The following PCDHA8 variants were observed in gnomAD, a reference collection of about 807,000 sequenced individuals.
PCDHA8 encodes protocadherin alpha-8.
In PCDHA8, 53 loss-of-function variants were observed where a neutral mutation model predicts 61.8. The observed-to-expected ratio is 0.86, with a 90% confidence interval of 0.69 to 1.08. PCDHA8 has a LOEUF of 1.08. Among genes scored for constraint, PCDHA8 ranks in the 50% least tolerant of loss-of-function variants. The probability of loss-of-function intolerance (pLI) is 0.00; values close to 1 mark genes in which losing one functional copy is unlikely to be tolerated. For synonymous variants in PCDHA8, 618 were observed against 556.6 expected (o/e 1.11, Z -1.55); for missense variants, 1,293 against 1,245.0 (o/e 1.04, Z -0.58).
chr5:140,986,358 A>C (rs1440671712), intron 3 of PCDHA8, among the ~76,000 whole-genome samples: 1 of 152,116 alleles, frequency 6.6e-6, no homozygotes, highest in African/African-American at 2.4e-5. Context: ...CTTCAGATGG[A>C]GGAATGCGTT....
At chr5:140,970,139 A>G (rs1433151291) in intron 1 of PCDHA8, among the ~76,000 whole-genome samples, 3 of 152,124 alleles carry the variant, frequency 2.0e-5, no homozygotes, top group Non-Finnish European at 4.4e-5. Flanking sequence ...AGAAGGGAAA[A>G]AGAATTCTCC....
chr5:141,009,174 G>A (rs1281128951), intron 3 of PCDHA8, among the ~76,000 whole-genome samples: 1 of 152,228 alleles, frequency 6.6e-6, no homozygotes, highest in African/African-American at 2.4e-5. Flanking sequence ...ACTGGCCTTG[G>A]CTGGGTGTGG....
intron 1 of PCDHA8, among the ~76,000 whole-genome samples, chr5:140,934,465 A>G (rs1313806464): frequency 1.3e-5 from 2 of 152,152 alleles, no homozygotes; most frequent in African/African-American, 4.8e-5. Context: ...ATGTTTTAAC[A>G]TTATTTTGAA....
At chr5:140,890,707 T>A (rs1217575075) in intron 1 of PCDHA8, among the ~76,000 whole-genome samples, 1 of 152,206 alleles carries the variant, frequency 6.6e-6, no homozygotes, top group African/African-American at 2.4e-5. Context: ...CTTACATTTT[T>A]AAAATCTTTT....
rs552604909 is a variant in PCDHA8, at chr5:141,005,474, C to T, written c.2543-4153C>T. ...ATCCCAGCACTTTGGGAGGCCGAGACGGGCGGATCATGAGGTCAGGAGATC... is the reference window on the plus strand; with the variant it reads ...ATCCCAGCACTTTGGGAGGCCGAGATGGGCGGATCATGAGGTCAGGAGATC... On this transcript the variant is annotated intron_variant, in intron 3 of 3. Coordinates refer to ENST00000531613, the MANE Select transcript of PCDHA8 (RefSeq NM_018911.3). 1.6e-3 allele frequency among the ~76,000 whole-genome samples: 236 copies of T among 151,848 alleles called. 1 individual carries two copies. The highest frequency in any genetic ancestry group is 4.9e-3 in the African/African-American group (204 of 41,424).
intron 3 of PCDHA8, among the ~76,000 whole-genome samples, chr5:140,995,853 A>G (rs934469128): frequency 4.6e-5 from 7 of 152,220 alleles, no homozygotes. Context: ...TTTCTATCGT[A>G]TCACTTAATA....
intron 1 of PCDHA8, chr5:140,856,070 C>G (rs533914587): frequency 1.3e-6 from 2 of 1,591,758 alleles, no homozygotes; most frequent in South Asian, 2.2e-5. Context: ...ATGTAGCTGC[C>G]TGGGGGTCCA....
intron 1 of PCDHA8, among the ~76,000 whole-genome samples, chr5:140,920,261 A>T (rs535022961): frequency 3.3e-4 from 50 of 152,226 alleles, no homozygotes; most frequent in Non-Finnish European, 2.8e-4. Context: ...TATAATAATT[A>T]TTACTTTATG....
intron 1 of PCDHA8, among the ~76,000 whole-genome samples, chr5:140,939,871 T>G (rs2092481346): frequency 6.6e-6 from 1 of 152,230 alleles, no homozygotes; most frequent in Non-Finnish European, 1.5e-5. Context: ...TAGGTCATCT[T>G]TGCTAGTTGT....
intron 1 of PCDHA8, chr5:140,877,449 G>A: frequency 1.2e-6 from 2 of 1,613,848 alleles, no homozygotes; most frequent in Non-Finnish European, 1.7e-6. Flanking sequence ...AGCCCGCGCT[G>A]ACGTCCACGG....
At chr5:141,008,684 G>C (rs1426948038) in intron 3 of PCDHA8, among the ~76,000 whole-genome samples, 1 of 152,118 alleles carries the variant, frequency 6.6e-6, no homozygotes, top group Admixed American at 6.5e-5. Context: ...TTTAGTTATT[G>C]CATGTATTAA....
At chr5:140,932,066 G>C (rs1196454003) in intron 1 of PCDHA8, among the ~76,000 whole-genome samples, 1 of 151,752 alleles carries the variant, frequency 6.6e-6, no homozygotes, top group Non-Finnish European at 1.5e-5. Flanking sequence ...AAAATTATCA[G>C]TTTAAGAAAT....
At chr5:140,988,877 G>A (rs372950279) in intron 3 of PCDHA8, 8 of 152,310 alleles carry the variant, frequency 5.3e-5, no homozygotes, top group East Asian at 3.9e-4. Context: ...TCAGATGTAC[G>A]ATCCTGGATA....
intron 3 of PCDHA8, among the ~76,000 whole-genome samples, chr5:141,008,842 T>C (rs1554261951): frequency 6.6e-6 from 1 of 152,214 alleles, no homozygotes; most frequent in East Asian, 1.9e-4. Context: ...TCTTACGCTG[T>C]GTATTCCCAT....
At chr5:140,987,011 C>G (rs1266225593) in intron 3 of PCDHA8, among the ~76,000 whole-genome samples, 1 of 151,990 alleles carries the variant, frequency 6.6e-6, no homozygotes, top group African/African-American at 2.4e-5. Context: ...GTCATGAGTT[C>G]GAGACCAGCC....
At chr5:140,959,541 C>T (rs2095493793) in intron 1 of PCDHA8, among the ~76,000 whole-genome samples, 1 of 152,002 alleles carries the variant, frequency 6.6e-6, no homozygotes, top group Non-Finnish European at 1.5e-5. Flanking sequence ...TTCAGAGATG[C>T]TGTATAAATA....
Position 140,968,771 on chromosome 5 carries a change from T to C in PCDHA8, c.2395-10178T>C, listed in dbSNP as rs144153196. The C allele has an allele frequency of 3.1e-6, 5 of 1,614,024 alleles. No homozygotes were observed. Among genetic ancestry groups the C allele is most frequent in the Non-Finnish European group, 4.2e-6 (5 of 1,180,044 alleles). On this transcript the variant is annotated intron_variant, in intron 1 of 3. Transcript: ENST00000531613. The stretch of plus-strand genomic sequence containing the variant: ...GGTGGTCCGAGATAATGGAGAGCCA[T>C]CACTATCAGCCTCTGTGGCCATTAC...
chr5:140,945,801 C>T (rs1371269109), intron 1 of PCDHA8, among the ~76,000 whole-genome samples: 2 of 152,026 alleles, frequency 1.3e-5, no homozygotes, highest in East Asian at 3.9e-4. Context: ...GAAACTAGAC[C>T]CTTATCTCAC....
rs143144725 is a variant in PCDHA8 at position 140,850,029 on chromosome 5, G to A, written c.2394+6314G>A. Reference sequence around the variant, plus strand: ...GCTGTCGAGCTACGTGTCAGTGCACGCGGAGAGCGGCAAGGTGTACGCGCT... The same window carrying A: ...GCTGTCGAGCTACGTGTCAGTGCACACGGAGAGCGGCAAGGTGTACGCGCT... On this transcript the variant is annotated intron_variant, in intron 1 of 3. Coordinates refer to ENST00000531613, the MANE Select transcript of PCDHA8 (RefSeq NM_018911.3). 1.3e-4 allele frequency: 205 copies of A among 1,596,756 alleles called. 11 individuals carry two copies. In the African/African-American group the frequency reaches 2.2e-3, roughly 17 times the overall value.
Sources: gnomAD v4.1 joint callset for allele counts (sites outside exome capture counted in the v4.1 genomes callset) on GRCh38, gnomAD v4.1.1 for gene constraint, MANE v1.5 for transcripts, NCBI Gene and HGNC (gene_info 2026-07-23, HGNC 2026-07-21) for gene names.